Variants in GRIK1 observed in about 807,000 individuals in gnomAD.
The protein encoded by GRIK1 is glutamate receptor ionotropic, kainate 1.
GRIK1 carries 69 observed loss-of-function variants against 105.7 expected under a neutral mutation model. The ratio of observed to expected loss-of-function variants is 0.65; its 90% CI spans 0.54 to 0.80. The LOEUF (loss-of-function observed/expected upper bound fraction) is 0.80, where lower values mean the gene tolerates loss of function less well. Ranked by LOEUF, GRIK1 falls within the 30% of genes least tolerant of loss-of-function variation. The pLI, the probability that GRIK1 is intolerant of heterozygous loss-of-function variation, is 0.00. For synonymous variants in GRIK1, 438 were observed against 431.3 expected (o/e 1.02, Z -0.19); for missense variants, 1,109 against 1,167.3 (o/e 0.95, Z 0.73).
chr21:29,660,631 G>A (rs990382770), intron 4 of GRIK1, among the ~76,000 whole-genome samples: 3 of 152,208 alleles, frequency 2.0e-5, no homozygotes, highest in African/African-American at 7.2e-5. Context: ...GAGTGCTACT[G>A]AGCAACTTTG....
intron 3 of GRIK1, among the ~76,000 whole-genome samples, chr21:29,679,780 C>T (rs1336605301): frequency 6.6e-6 from 1 of 152,160 alleles, no homozygotes; most frequent in Non-Finnish European, 1.5e-5. Context: ...CTTTGATCTA[C>T]AGGTATGAAT....
chr21:29,797,531 A>G (rs1041742597), intron 1 of GRIK1, among the ~76,000 whole-genome samples: 1 of 152,188 alleles, frequency 6.6e-6, no homozygotes, highest in African/African-American at 2.4e-5. Context: ...CTCAGTTTTC[A>G]CCCATTCACA....
chr21:29,704,504 G>A (rs929168689), intron 1 of GRIK1, among the ~76,000 whole-genome samples: 31 of 152,296 alleles, frequency 2.0e-4, no homozygotes, highest in Admixed American at 1.6e-3. Context: ...GATGTTTATT[G>A]AAATGTGCCT....
chr21:29,848,770 TATA>T lies in GRIK1; in HGVS notation c.118+90610_118+90612del, dbSNP rs1340470617. ...AGTTGTGTGTGTATATATATATATA[TATA>T]TATATATTTTTTTTTTTTTCCACGA... is the stretch of plus-strand genomic sequence containing the variant. On this transcript the variant is annotated intron_variant, in intron 1 of 17. Transcript: ENST00000327783. Among the ~76,000 whole-genome samples the T allele has an allele frequency of 3.1e-4, 31 of 99,424 alleles. 1 individual carries two copies. Among genetic ancestry groups the T allele is most frequent in the Middle Eastern group, 5.2e-3 (1 of 194 alleles). The allele number at this position is 99,424 out of a possible 152,430, so 65.2% of individuals were successfully genotyped here.
intron 15 of GRIK1, among the ~76,000 whole-genome samples, chr21:29,558,736 G>A (rs2090319574): frequency 6.6e-6 from 1 of 150,624 alleles, no homozygotes; most frequent in Non-Finnish European, 1.5e-5. Flanking sequence ...TGTATTATAT[G>A]TATATTTAAT....
At chr21:29,899,703 G>A (rs2070321572) in intron 1 of GRIK1, among the ~76,000 whole-genome samples, 2 of 152,094 alleles carry the variant, frequency 1.3e-5, no homozygotes, top group South Asian at 4.1e-4. Flanking sequence ...TGACCAGAGG[G>A]AGGATTTGGG....
chr21:29,825,630 G>A (rs182337694), intron 1 of GRIK1, among the ~76,000 whole-genome samples: 1 of 152,158 alleles, frequency 6.6e-6, no homozygotes, highest in Admixed American at 6.6e-5. Context: ...GGATTTTTAA[G>A]TTTCTGTGAA....
rs143944257 is a variant in GRIK1, at chr21:29,838,581, A to T, written c.118+100802T>A. 8.9e-3 allele frequency among the ~76,000 whole-genome samples: 1,352 copies of T among 152,314 alleles called. 19 individuals are homozygous for T. Among genetic ancestry groups the T allele is most frequent in the African/African-American group, 0.031 (1,283 of 41,560 alleles). ...AACTCAAAGATATTGCCTGCCTGCA[A>T]GACTTCAGAAACAGCAGAACTAGTA... On this transcript the variant is annotated intron_variant, in intron 1 of 17. Transcript: ENST00000327783.
Position 29,537,900 on chromosome 21 carries a change from G to GAAAAAAA in GRIK1, c.2608-23_2608-17dup. On this transcript the variant is annotated splice_polypyrimidine_tract_variant and intron_variant, in intron 16 of 17. Coordinates refer to ENST00000327783, the MANE Select transcript of GRIK1 (RefSeq NM_001330994.2). ...ACTTTCCTTTCTGATAAAAAAAAAA[G>GAAAAAAA]AAAAAAAAACAATTTTAAATTGTAC... The GAAAAAAA allele has an allele frequency of 9.9e-7, 1 of 1,009,772 alleles. No homozygotes were observed. The highest frequency in any genetic ancestry group is 1.5e-6 in the Non-Finnish European group (1 of 670,718). 62.6% of individuals were successfully genotyped at this position (1,009,772 alleles called of 1,614,324 possible).
At chr21:29,832,664 G>C (rs1385104464) in intron 1 of GRIK1, among the ~76,000 whole-genome samples, 1 of 152,148 alleles carries the variant, frequency 6.6e-6, no homozygotes, top group African/African-American at 2.4e-5. Flanking sequence ...GCGTTGTGAG[G>C]TTTTACAAGA....
chr21:29,537,898 A>AG lies in GRIK1; in HGVS notation c.2608-15_2608-14insC. On this transcript the variant is annotated splice_polypyrimidine_tract_variant and intron_variant, in intron 16 of 17. Transcript: ENST00000327783. ...TGACTTTCCTTTCTGATAAAAAAAA[A>AG]AGAAAAAAAAACAATTTTAAATTGT... The AG allele has an allele frequency of 8.7e-7, 1 of 1,143,368 alleles. No homozygotes were observed. Among genetic ancestry groups the AG allele is most frequent in the Non-Finnish European group, 1.3e-6 (1 of 772,060 alleles). The allele number at this position is 1,143,368 out of a possible 1,614,324, so 70.8% of individuals were successfully genotyped here.
At chr21:29,903,402 C>A (rs2070485108) in intron 1 of GRIK1, among the ~76,000 whole-genome samples, 1 of 152,114 alleles carries the variant, frequency 6.6e-6, no homozygotes, top group African/African-American at 2.4e-5. Context: ...GGGCTAATAT[C>A]CAGAATCTAC....
At chr21:29,742,513 G>A (rs1244118326) in intron 1 of GRIK1, among the ~76,000 whole-genome samples, 3 of 152,178 alleles carry the variant, frequency 2.0e-5, no homozygotes, top group African/African-American at 7.2e-5. Context: ...CTGAACTCAC[G>A]GAACATTAAT....
intron 16 of GRIK1, among the ~76,000 whole-genome samples, chr21:29,543,575 C>T (rs1455008414): frequency 6.6e-6 from 1 of 152,094 alleles, no homozygotes; most frequent in Non-Finnish European, 1.5e-5. Context: ...ACCCATGGGC[C>T]ATCTTTTATG....
chr21:29,585,063 C>A (rs2253438), intron 12 of GRIK1, among the ~76,000 whole-genome samples: 1 of 152,032 alleles, frequency 6.6e-6, no homozygotes, highest in Non-Finnish European at 1.5e-5. Flanking sequence ...CAAGTTTGCA[C>A]TGGATGTATA....
intron 1 of GRIK1, among the ~76,000 whole-genome samples, chr21:29,900,821 T>C (rs1318066513): frequency 2.6e-5 from 4 of 152,100 alleles, no homozygotes; most frequent in African/African-American, 9.7e-5. Flanking sequence ...CTACCCCAAA[T>C]CAGCAAAATA....
intron 1 of GRIK1, among the ~76,000 whole-genome samples, chr21:29,931,885 A>G (rs1602081130): frequency 2.0e-5 from 3 of 152,250 alleles, no homozygotes; most frequent in East Asian, 3.9e-4. Context: ...GTAAAAAATA[A>G]TATGTTTTAA....
chr21:29,702,299 A>C (rs1359138033), intron 1 of GRIK1, among the ~76,000 whole-genome samples: 3 of 152,088 alleles, frequency 2.0e-5, no homozygotes, highest in African/African-American at 7.2e-5. Context: ...TTAAAATGGA[A>C]GTTTTTTTTA....
intron 1 of GRIK1, chr21:29,748,697 T>A (rs1180002603): frequency 6.6e-6 from 1 of 152,196 alleles, no homozygotes; most frequent in African/African-American, 2.4e-5. Flanking sequence ...ACCAAGATAG[T>A]TATTACACAC....
Sources: allele counts gnomAD v4.1 joint callset (sites outside exome capture counted in the v4.1 genomes callset), GRCh38; gene constraint gnomAD v4.1.1; transcripts MANE v1.5; gene names NCBI Gene and HGNC (gene_info 2026-07-23, HGNC 2026-07-21).